ERC2: variants seen among roughly 807,000 people sequenced by gnomAD.
ERC2 encodes ELKS/RAB6-interacting/CAST family member 2.
A neutral mutation model predicts 114.8 loss-of-function variants in ERC2; 42 were observed. The ratio of observed to expected loss-of-function variants is 0.37; its 90% confidence interval spans 0.29 to 0.47. The LOEUF (loss-of-function observed/expected upper bound fraction) is 0.47, where lower values mean the gene tolerates loss of function less well. Among genes scored for constraint, ERC2 ranks in the 20% least tolerant of loss-of-function variants. The pLI is 0.99. For synonymous variants in ERC2, 454 were observed against 425.5 expected (o/e 1.07, Z -0.82); for missense variants, 939 against 1,150.7 (o/e 0.82, Z 2.66).
At chr3:55,511,538 C>T (rs73075476) in intron 17 of ERC2, among the ~76,000 whole-genome samples, 3,208 of 152,232 alleles carry the variant, frequency 0.021, 62 homozygotes, top group Non-Finnish European at 0.034. Flanking sequence ...GTATAAATGT[C>T]TCTTGATATA....
chr3:55,835,915 C>T (rs901084104), intron 14 of ERC2, among the ~76,000 whole-genome samples: 7 of 151,660 alleles, frequency 4.6e-5, no homozygotes, highest in African/African-American at 1.7e-4. Context: ...TCTCAGGATA[C>T]AAAATCAATG....
chr3:56,282,293 GA>G (rs2054400269), intron 3 of ERC2, among the ~76,000 whole-genome samples: 1 of 152,124 alleles, frequency 6.6e-6, no homozygotes, highest in African/African-American at 2.4e-5. Flanking sequence ...ACAATGGGAG[GA>G]AAATGATTAA....
intron 3 of ERC2, among the ~76,000 whole-genome samples, chr3:56,282,032 A>C (rs1012877445): frequency 5.3e-5 from 8 of 152,210 alleles, no homozygotes; most frequent in African/African-American, 1.9e-4. Flanking sequence ...AACATAAATG[A>C]TATTTGCTGA....
At chr3:55,788,781 T>A (rs1298281310) in intron 14 of ERC2, among the ~76,000 whole-genome samples, 21 of 152,200 alleles carry the variant, frequency 1.4e-4, no homozygotes, top group Admixed American at 1.4e-3. Flanking sequence ...ATTTATTTTT[T>A]AAAATAAGCT....
intron 13 of ERC2, among the ~76,000 whole-genome samples, chr3:55,929,887 C>T (rs769330425): frequency 6.6e-6 from 1 of 152,220 alleles, no homozygotes; most frequent in Non-Finnish European, 1.5e-5. Context: ...GCCTCCTCAG[C>T]CATGCTTCCT....
At chr3:55,888,923 A>G (rs1321095488) in intron 13 of ERC2, among the ~76,000 whole-genome samples, 5 of 152,340 alleles carry the variant, frequency 3.3e-5, no homozygotes, top group Non-Finnish European at 7.4e-5. Context: ...GAAAAAATTA[A>G]AACAAAACAG....
chr3:55,904,569 T>C (rs893440038), intron 13 of ERC2, among the ~76,000 whole-genome samples: 1 of 152,194 alleles, frequency 6.6e-6, no homozygotes, highest in Non-Finnish European at 1.5e-5. Context: ...TCCAGAAAGC[T>C]TCCTTTTACA....
chr3:55,985,537 C>A (rs1240708117), intron 12 of ERC2, among the ~76,000 whole-genome samples: 1 of 152,172 alleles, frequency 6.6e-6, no homozygotes, highest in Non-Finnish European at 1.5e-5. Flanking sequence ...AATGAAAAGT[C>A]TGAACAGTTT....
At chr3:56,327,033 A>G (rs570704655) in intron 2 of ERC2, among the ~76,000 whole-genome samples, 1 of 152,314 alleles carries the variant, frequency 6.6e-6, no homozygotes, top group Admixed American at 6.5e-5. Context: ...GAAGCCTACA[A>G]AGAGGATGCT....
chr3:55,560,150 C>T lies in ERC2; in HGVS notation c.*40-48874G>A, dbSNP rs542757440. ...GCATGGTGGTGAGGAACCCTGCAGA[C>T]CTTGACTACTCAGCTCTGCCACTAT... On this transcript the variant is annotated intron_variant, in intron 17 of 17. Transcript: ENST00000288221. 2.0e-5 allele frequency among the ~76,000 whole-genome samples: 3 copies of T among 152,278 alleles called. No homozygotes were observed. The South Asian group carries it at 6.2e-4, about 32-fold the overall frequency.
At chr3:56,079,706 T>C (rs954722592) in intron 7 of ERC2, among the ~76,000 whole-genome samples, 2 of 152,066 alleles carry the variant, frequency 1.3e-5, no homozygotes, top group African/African-American at 4.8e-5. Flanking sequence ...GACAGGGGTG[T>C]CATGTTTACA....
chr3:56,123,849 T>C (rs991554602), intron 6 of ERC2, among the ~76,000 whole-genome samples: 1 of 152,346 alleles, frequency 6.6e-6, no homozygotes, highest in Admixed American at 6.5e-5. Flanking sequence ...TGTTTCTGCC[T>C]TTATTATTGA....
chr3:56,409,339 A>G (rs1300041406), intron 2 of ERC2, among the ~76,000 whole-genome samples: 1 of 152,138 alleles, frequency 6.6e-6, no homozygotes, highest in African/African-American at 2.4e-5. Flanking sequence ...CCTCCTGGGA[A>G]TATATAGAGT....
intron 14 of ERC2, among the ~76,000 whole-genome samples, chr3:55,831,389 A>T (rs1251695372): frequency 1.8e-5 from 1 of 54,836 alleles, no homozygotes; most frequent in Admixed American, 2.7e-4. Context: ...GAAGGGAAGG[A>T]AGGGGAGGGG....
chr3:56,034,012 G>A (rs550702497), intron 7 of ERC2, among the ~76,000 whole-genome samples: 22 of 152,056 alleles, frequency 1.4e-4, no homozygotes, highest in South Asian at 4.2e-4. Flanking sequence ...AATAAATTAC[G>A]GAATCAAAAG....
intron 3 of ERC2, among the ~76,000 whole-genome samples, chr3:56,262,357 A>T (rs2052996461): frequency 6.6e-6 from 1 of 152,236 alleles, no homozygotes; most frequent in South Asian, 2.1e-4. Context: ...AATATCAGTC[A>T]GAGTCATCAA....
intron 16 of ERC2, among the ~76,000 whole-genome samples, chr3:55,688,569 C>G (rs1386252897): frequency 6.6e-6 from 1 of 152,202 alleles, no homozygotes; most frequent in Non-Finnish European, 1.5e-5. Flanking sequence ...GAACTTGGTC[C>G]TGCCTTCTTT....
At chr3:55,852,063 A>G (rs1230070249) in intron 14 of ERC2, among the ~76,000 whole-genome samples, 1 of 152,154 alleles carries the variant, frequency 6.6e-6, no homozygotes, top group African/African-American at 2.4e-5. Context: ...CTCTACTAAA[A>G]ATACAAAATT....
intron 17 of ERC2, among the ~76,000 whole-genome samples, chr3:55,644,844 T>A (rs1266813745): frequency 6.6e-6 from 1 of 152,082 alleles, no homozygotes; most frequent in African/African-American, 2.4e-5. Context: ...GTTATCATCA[T>A]GTTTTCCATC....
Sources: allele counts gnomAD v4.1 joint callset (sites outside exome capture counted in the v4.1 genomes callset), GRCh38; gene constraint gnomAD v4.1.1; transcripts MANE v1.5; gene names NCBI Gene and HGNC (gene_info 2026-07-23, HGNC 2026-07-21).